ANKRD30A: variants seen among roughly 807,000 people sequenced by gnomAD.
The protein encoded by ANKRD30A is ankyrin repeat domain-containing protein 30A.
A neutral mutation model predicts 166.3 loss-of-function variants in ANKRD30A; 170 were observed. The ratio of observed to expected loss-of-function variants is 1.02; its 90% CI spans 0.90 to 1.16. The LOEUF is 1.16. Among genes scored for constraint, ANKRD30A ranks in the 50% most tolerant of loss-of-function variants. ANKRD30A has a pLI of 0.00. For missense variants in ANKRD30A, 1,630 were observed against 1,518.0 expected (o/e 1.07, Z -1.23); for synonymous variants, 564 against 508.9 (o/e 1.11, Z -1.46).
At chr10:37,207,017 T>G (rs1842033432) in intron 31 of ANKRD30A, among the ~76,000 whole-genome samples, 1 of 152,164 alleles carries the variant, frequency 6.6e-6, no homozygotes, top group African/African-American at 2.4e-5. Flanking sequence ...TTTTTATACA[T>G]TATTTTCTTT....
At chr10:37,148,268 C>T (rs1837658508) in intron 9 of ANKRD30A, among the ~76,000 whole-genome samples, 1 of 151,876 alleles carries the variant, frequency 6.6e-6, no homozygotes, top group African/African-American at 2.4e-5. Flanking sequence ...AAGGATAAGA[C>T]AAAACAGGGT....
chr10:37,151,656 T>G (rs17590030), intron 11 of ANKRD30A, among the ~76,000 whole-genome samples: 3 of 152,078 alleles, frequency 2.0e-5, no homozygotes, highest in African/African-American at 4.8e-5. Context: ...AACTGTGTAA[T>G]AGAGATTGCT....
chr10:37,141,798 A>G lies in ANKRD30A; in HGVS notation c.901A>G (p.Lys301Glu). ...TGACACAGCTGAAAGCTTGGTGGAA[A>G]AAACACCTGATGAGGCTGCACCCTT... ...TPDTAESLVE[K>E]TPDEAAPLVE... The change falls in exon 7 of 36, where the codon AAA becomes GAA. Residue 301 changes from lysine (K) to glutamate (E), a missense_variant. Physicochemically the swap from Lys to Glu is moderately conservative, Grantham distance 56. Coordinates refer to ENST00000361713, the MANE Select transcript of ANKRD30A (RefSeq NM_052997.3). 2.5e-6 allele frequency: 4 copies of G among 1,612,346 alleles called. No individual in the cohort carries two copies. Among genetic ancestry groups the G allele is most frequent in the Non-Finnish European group, 3.4e-6 (4 of 1,179,518 alleles).
intron 24 of ANKRD30A, among the ~76,000 whole-genome samples, chr10:37,183,417 A>G (rs1423013831): frequency 5.5e-5 from 8 of 146,638 alleles, no homozygotes; most frequent in African/African-American, 9.9e-5. Flanking sequence ...TCAAAAATGC[A>G]TAAGGTTTTA....
the ANKRD30A span, among the ~76,000 whole-genome samples, chr10:37,240,538 G>T: frequency 6.6e-6 from 1 of 152,088 alleles, no homozygotes; most frequent in African/African-American, 2.4e-5. Flanking sequence ...AAGTCAATTT[G>T]GTTGTTGTCA....
the ANKRD30A span, among the ~76,000 whole-genome samples, chr10:37,259,677 T>C: frequency 6.6e-6 from 1 of 152,202 alleles, no homozygotes; most frequent in Non-Finnish European, 1.5e-5. Flanking sequence ...AAATAAACTA[T>C]GGCTATATGC....
chr10:37,261,210 T>C, the ANKRD30A span, among the ~76,000 whole-genome samples: 5 of 152,182 alleles, frequency 3.3e-5, no homozygotes, highest in Admixed American at 1.3e-4. Flanking sequence ...CCTTAGTGGT[T>C]GTCATATACA....
chr10:37,190,503 G>C (rs900981440), intron 25 of ANKRD30A, among the ~76,000 whole-genome samples: 1 of 151,842 alleles, frequency 6.6e-6, no homozygotes, highest in South Asian at 2.1e-4. Flanking sequence ...CAAAGTAAAA[G>C]GAAAGAGTTG....
chr10:37,128,581 G>C (rs1483572088), intron 1 of ANKRD30A, among the ~76,000 whole-genome samples: 2 of 151,918 alleles, frequency 1.3e-5, no homozygotes, highest in African/African-American at 4.8e-5. Context: ...AAATATAAGT[G>C]CTTTATTTAT....
intron 5 of ANKRD30A, among the ~76,000 whole-genome samples, chr10:37,136,066 A>C (rs1041797731): frequency 2.6e-5 from 4 of 152,136 alleles, no homozygotes; most frequent in African/African-American, 7.2e-5. Flanking sequence ...TGCTTGCATC[A>C]CAGGCGTCAG....
At chr10:37,131,439 T>C (rs984767088) in intron 3 of ANKRD30A, among the ~76,000 whole-genome samples, 6 of 152,206 alleles carry the variant, frequency 3.9e-5, no homozygotes, top group Non-Finnish European at 7.3e-5. Flanking sequence ...TAAAATTCTA[T>C]TGTCTTGTAA....
chr10:37,248,592 C>T, the ANKRD30A span, among the ~76,000 whole-genome samples: 2 of 152,056 alleles, frequency 1.3e-5, no homozygotes, highest in Non-Finnish European at 2.9e-5. Flanking sequence ...GCATGGAGTC[C>T]TGATGAGAGC....
At chr10:37,214,849 A>G (rs953802862) in intron 31 of ANKRD30A, among the ~76,000 whole-genome samples, 8 of 151,228 alleles carry the variant, frequency 5.3e-5, no homozygotes, top group Non-Finnish European at 1.2e-4. Context: ...TTAAGTTTAG[A>G]ATGTATTTAG....
intron 31 of ANKRD30A, among the ~76,000 whole-genome samples, chr10:37,213,270 G>A (rs1844195996): frequency 6.6e-6 from 1 of 151,814 alleles, no homozygotes. Flanking sequence ...TGTCTGAATA[G>A]GTACCACTTC....
intron 6 of ANKRD30A, among the ~76,000 whole-genome samples, chr10:37,137,251 A>G (rs543410189): frequency 4.6e-5 from 7 of 152,216 alleles, no homozygotes; most frequent in African/African-American, 1.7e-4. Flanking sequence ...AGAAGCCAAG[A>G]TGGCTGAATA....
chr10:37,250,889 C>T, the ANKRD30A span, among the ~76,000 whole-genome samples: 2 of 152,176 alleles, frequency 1.3e-5, no homozygotes, highest in African/African-American at 2.4e-5. Flanking sequence ...AAGACACTTT[C>T]CTCTCACTTT....
intron 34 of ANKRD30A, among the ~76,000 whole-genome samples, chr10:37,226,847 G>T (rs1012710121): frequency 3.0e-4 from 46 of 151,872 alleles, no homozygotes; most frequent in African/African-American, 1.1e-3. Flanking sequence ...TACCAGGAAA[G>T]ATTCCATCCT....
In ANKRD30A at chr10:37,165,301, T is replaced by A. The variant is rs111837976; in HGVS notation, c.2064+146T>A. On this transcript the variant is annotated intron_variant, in intron 18 of 35. Coordinates refer to ENST00000361713, the MANE Select transcript of ANKRD30A (RefSeq NM_052997.3). ...TTTTCAGTATATGCTTAATGGAGAA[T>A]CTATGTGCTAAGTAGATTCCTGCTT... The A allele has an allele frequency of 6.5e-3, 5,285 of 809,560 alleles. 170 individuals carry two copies. In the African/African-American group the frequency reaches 0.081, roughly 12 times the overall value. The allele number at this position is 809,560 out of a possible 1,614,324, so 50.1% of individuals were successfully genotyped here. A position where few individuals can be genotyped will look rare whatever the true frequency, so the allele number is the denominator to read the frequency against.
chr10:37,201,094 T>C, intron 30 of ANKRD30A, 141 bp from the exon 31 acceptor site: 1 of 533,064 alleles, frequency 1.9e-6, no homozygotes. Context: ...AAATGTTTTT[T>C]TTTATACGTG....
Sources: gnomAD v4.1 joint callset for allele counts (sites outside exome capture counted in the v4.1 genomes callset) on GRCh38, gnomAD v4.1.1 for gene constraint, MANE v1.5 for transcripts, NCBI Gene and HGNC (gene_info 2026-07-23, HGNC 2026-07-21) for gene names.